The following SYT1 variants were observed in gnomAD, a reference collection of about 807,000 sequenced individuals.
SYT1 encodes the protein synaptotagmin-1.
In SYT1, 8 loss-of-function variants were observed where a neutral mutation model predicts 44.8. The ratio of observed to expected loss-of-function variants is 0.18; its 90% confidence interval spans 0.10 to 0.32. SYT1 has a LOEUF of 0.32. SYT1 is among the 10% of genes least tolerant of loss of function. The probability of loss-of-function intolerance (pLI) is 1.00; values close to 1 mark genes in which losing one functional copy is unlikely to be tolerated. For missense variants in SYT1, 286 were observed against 509.3 expected, an observed-to-expected ratio of 0.56 and a Z score of 4.22; for synonymous variants, 154 against 188.8, an observed-to-expected ratio of 0.82 and a Z score of 1.51.
chr12:79,107,295 G>C (rs888996594), intron 3 of SYT1, among the ~76,000 whole-genome samples: 1 of 151,842 alleles, frequency 6.6e-6, no homozygotes, highest in Non-Finnish European at 1.5e-5. Context: ...ACTTGATATA[G>C]TGTTTGTATA....
At chr12:78,874,458 G>C (rs191890070) in intron 1 of SYT1, among the ~76,000 whole-genome samples, 8 of 151,658 alleles carry the variant, frequency 5.3e-5, no homozygotes, top group African/African-American at 1.9e-4. Context: ...TAGAGAGCTG[G>C]ATTCAGATAG....
Position 79,207,167 on chromosome 12 carries a change from T to C in SYT1, c.-17-10336T>C, listed in dbSNP as rs74107348. ...TACACATTCCTCCTCAAATTTGCTG[T>C]GACTATGCTGTAGGGGGTGGTCACA... is the stretch of plus-strand genomic sequence containing the variant. On this transcript the variant is annotated intron_variant, in intron 3 of 10. Coordinates refer to ENST00000261205, the MANE Select transcript of SYT1 (RefSeq NM_005639.3). Among the ~76,000 whole-genome samples the C allele has an allele frequency of 3.8e-3, 580 of 152,246 alleles. 8 individuals carry two copies. The highest frequency in any genetic ancestry group is 0.014 in the African/African-American group (567 of 41,552).
chr12:79,153,914 ATGT>A (rs1870433847), intron 3 of SYT1, among the ~76,000 whole-genome samples: 1 of 152,266 alleles, frequency 6.6e-6, no homozygotes, highest in South Asian at 2.1e-4. Context: ...GTTGCTAATA[ATGT>A]TGTCTCTATT....
chr12:78,992,027 T>A (rs142245644), intron 2 of SYT1, among the ~76,000 whole-genome samples: 46 of 152,308 alleles, frequency 3.0e-4, no homozygotes, highest in African/African-American at 1.1e-3. Context: ...ATTTTCCTTT[T>A]CATACCACTG....
chr12:79,067,566 T>C (rs1875959982), intron 3 of SYT1, among the ~76,000 whole-genome samples: 2 of 152,166 alleles, frequency 1.3e-5, no homozygotes, highest in Admixed American at 6.6e-5. Context: ...ATAAAAACCA[T>C]AGCTTTCCAA....
At chr12:79,112,344 T>C (rs1879060161) in intron 3 of SYT1, among the ~76,000 whole-genome samples, 1 of 152,072 alleles carries the variant, frequency 6.6e-6, no homozygotes, top group South Asian at 2.1e-4. Context: ...GTGTGGGGCA[T>C]GTTTTGGAGA....
chr12:79,239,943 T>C (rs1876403366), intron 4 of SYT1, among the ~76,000 whole-genome samples: 1 of 152,204 alleles, frequency 6.6e-6, no homozygotes, highest in African/African-American at 2.4e-5. Flanking sequence ...AAGGGCCTAG[T>C]CATGCTTTAA....
chr12:79,165,075 A>G (rs865963466), intron 3 of SYT1, among the ~76,000 whole-genome samples: 17 of 152,054 alleles, frequency 1.1e-4, no homozygotes, highest in Middle Eastern at 3.4e-3. Context: ...TTTTTTCATT[A>G]TCTTCAAAAT....
At chr12:79,206,996 G>A (rs189220301) in intron 3 of SYT1, among the ~76,000 whole-genome samples, 3 of 152,296 alleles carry the variant, frequency 2.0e-5, no homozygotes, top group Admixed American at 2.0e-4. Context: ...GTGACAATGA[G>A]CATGTTTATT....
intron 9 of SYT1, among the ~76,000 whole-genome samples, chr12:79,443,026 T>C (rs1032956614): frequency 1.3e-5 from 2 of 152,226 alleles, no homozygotes; most frequent in African/African-American, 4.8e-5. Context: ...CATTGGTTTC[T>C]AGTGACCTGA....
intron 1 of SYT1, among the ~76,000 whole-genome samples, chr12:78,967,278 C>A (rs1868271747): frequency 6.6e-6 from 1 of 152,082 alleles, no homozygotes; most frequent in African/African-American, 2.4e-5. Context: ...AAAGTAAGTC[C>A]TTTAATAGCA....
chr12:79,429,784 C>T (rs915983529), intron 9 of SYT1, among the ~76,000 whole-genome samples: 1 of 152,128 alleles, frequency 6.6e-6, no homozygotes, highest in Non-Finnish European at 1.5e-5. Flanking sequence ...TAATTTATAA[C>T]TTTTAACAAT....
At chr12:79,168,001 A>G (rs903529084) in intron 3 of SYT1, among the ~76,000 whole-genome samples, 2 of 152,052 alleles carry the variant, frequency 1.3e-5, no homozygotes, top group African/African-American at 2.4e-5. Flanking sequence ...ATCTGACAAG[A>G]GGCAGAACTC....
At chr12:78,971,399 AG>A (rs1174903634) in intron 1 of SYT1, among the ~76,000 whole-genome samples, 8 of 152,348 alleles carry the variant, frequency 5.3e-5, no homozygotes, top group Admixed American at 3.3e-4. Context: ...GAACAAAAAC[AG>A]GTTGTTAAAA....
chr12:79,338,728 T>A (rs1034253917), intron 8 of SYT1, among the ~76,000 whole-genome samples: 2 of 151,370 alleles, frequency 1.3e-5, no homozygotes, highest in African/African-American at 2.4e-5. Context: ...TGTGCAGGTT[T>A]GTTACATATG....
intron 8 of SYT1, among the ~76,000 whole-genome samples, chr12:79,300,629 C>A (rs992850231): frequency 6.6e-6 from 1 of 151,814 alleles, no homozygotes; most frequent in Non-Finnish European, 1.5e-5. Context: ...TTGAACTTTT[C>A]ACTCTAACAT....
intron 2 of SYT1, among the ~76,000 whole-genome samples, chr12:79,045,102 G>T (rs1458926078): frequency 2.0e-5 from 3 of 152,078 alleles, no homozygotes; most frequent in Non-Finnish European, 2.9e-5. Context: ...CCCAGAGGTG[G>T]AGCCTACAGA....
chr12:79,329,266 G>A (rs575797239), intron 8 of SYT1, among the ~76,000 whole-genome samples: 1 of 152,242 alleles, frequency 6.6e-6, no homozygotes, highest in South Asian at 2.1e-4. Context: ...CCACATAGAT[G>A]TCTTACAAGG....
chr12:79,331,014 G>C (rs1162014347), intron 8 of SYT1, among the ~76,000 whole-genome samples: 1 of 152,088 alleles, frequency 6.6e-6, no homozygotes, highest in Admixed American at 6.5e-5. Context: ...CATAAACCTA[G>C]GAAATATTTC....
Sources: gnomAD v4.1 joint callset for allele counts (sites outside exome capture counted in the v4.1 genomes callset) on GRCh38, gnomAD v4.1.1 for gene constraint, MANE v1.5 for transcripts, NCBI Gene and HGNC (gene_info 2026-07-23, HGNC 2026-07-21) for gene names.